Variants in ATP2A2 observed in about 807,000 individuals in gnomAD.
ATP2A2 encodes the protein ATPase sarcoplasmic/endoplasmic reticulum Ca2+ transporting 2.
A neutral mutation model predicts 109.3 loss-of-function variants in ATP2A2; 14 were observed. That is an observed-to-expected ratio of 0.13 (90% confidence interval 0.08 to 0.20). The LOEUF (loss-of-function observed/expected upper bound fraction) is 0.20, where lower values mean the gene tolerates loss of function less well. ATP2A2 is among the 10% of genes least tolerant of loss of function. The pLI, the probability that ATP2A2 is intolerant of heterozygous loss-of-function variation, is 1.00. For synonymous variants in ATP2A2, 506 were observed against 490.9 expected (o/e 1.03, Z -0.41); for missense variants, 657 against 1,321.6 (o/e 0.50, Z 7.80).
chr12:110,323,718 C>G (rs1470933354), intron 6 of ATP2A2, among the ~76,000 whole-genome samples: 1 of 152,150 alleles, frequency 6.6e-6, no homozygotes, highest in Non-Finnish European at 1.5e-5. Context: ...TCACTTGTGC[C>G]TAGGTCAAGG....
Position 110,346,509 on chromosome 12 carries a change from ATT to A in ATP2A2, c.*40_*41del. 1 of 1,612,884 alleles carries A rather than the reference ATT, an allele frequency of 6.2e-7. No individual in the cohort carries two copies. Among genetic ancestry groups the A allele is most frequent in the African/African-American group, 1.3e-5 (1 of 75,020 alleles). On this transcript the variant is annotated 3_prime_UTR_variant, in exon 20 of 20. Transcript: ENST00000539276. Reference sequence around the variant, plus strand: ...ATAAAGAAGATGTTTAACTTAATCAATTAATTTTTTTATTGTTTAAAGCAACT... The same window carrying A: ...ATAAAGAAGATGTTTAACTTAATCAAAATTTTTTTATTGTTTAAAGCAACT...
intron 4 of ATP2A2, among the ~76,000 whole-genome samples, chr12:110,292,757 A>G (rs573792213): frequency 9.8e-5 from 15 of 152,306 alleles, no homozygotes; most frequent in African/African-American, 3.1e-4. Flanking sequence ...ACTGCACTCC[A>G]GTCTGGGCAA....
chr12:110,328,095 TTTTGA>T, intron 8 of ATP2A2, 78 bp downstream of exon 8: 1 of 1,417,878 alleles, frequency 7.1e-7, no homozygotes, highest in East Asian at 2.3e-5. Flanking sequence ...CCATCAAAAC[TTTTGA>T]TTTGTAATTT....
chr12:110,293,208 T>C (rs1429867668), intron 4 of ATP2A2, among the ~76,000 whole-genome samples: 1 of 151,790 alleles, frequency 6.6e-6, no homozygotes, highest in Non-Finnish European at 1.5e-5. Context: ...CTTGAGTAGC[T>C]GGGATTACAG....
rs1566195710 is a variant in ATP2A2, at chr12:110,282,600, A to C, written c.119-4A>C. 7 of 1,613,880 alleles carry C rather than the reference A, an allele frequency of 4.3e-6. No individual in the cohort carries two copies. Among genetic ancestry groups the C allele is most frequent in the Non-Finnish European group, 4.2e-6 (5 of 1,179,962 alleles). On this transcript the variant is annotated splice_polypyrimidine_tract_variant and splice_region_variant and intron_variant, in intron 1 of 19. Coordinates refer to ENST00000539276, the MANE Select transcript of ATP2A2 (RefSeq NM_170665.4). ...ATTGCTTGACGAATTTCTACATTCT[A>C]CAGAGTTACCGGCTGAAGAAGGTAA...
chr12:110,330,406 A>C (rs1320143461), intron 8 of ATP2A2: 1 of 152,200 alleles, frequency 6.6e-6, no homozygotes. Flanking sequence ...TGAGCTACTT[A>C]AGTTCTTATT....
intron 5 of ATP2A2, among the ~76,000 whole-genome samples, chr12:110,301,487 T>G (rs1438465056): frequency 6.6e-6 from 1 of 152,186 alleles, no homozygotes; most frequent in Non-Finnish European, 1.5e-5. Flanking sequence ...TATCCTCTGA[T>G]TTGTCCGTAA....
Position 110,342,187 on chromosome 12 carries a change from G to A in ATP2A2, c.2098-41G>A. On this transcript the variant is annotated intron_variant, in intron 14 of 19. Transcript: ENST00000539276. This position sits in a 1 kb window ranked among gnomAD's most constrained non-coding sequence, Gnocchi z 4.6. The stretch of plus-strand genomic sequence containing the variant: ...GCTTTTGCCTAGGGGTATGAATGTG[G>A]CATGCCAGTTGGCTGACCCAACCAT... The A allele has an allele frequency of 6.2e-7, 1 of 1,609,448 alleles. No individual in the cohort carries two copies. The highest frequency in any genetic ancestry group is 8.5e-7 in the Non-Finnish European group (1 of 1,175,744).
chr12:110,285,013 T>G (rs766960666), intron 3 of ATP2A2, among the ~76,000 whole-genome samples: 17 of 152,200 alleles, frequency 1.1e-4, no homozygotes, highest in Non-Finnish European at 2.2e-4. Context: ...CCTATTGATG[T>G]AACAGAAAAA....
chr12:110,341,185 G>A lies in ATP2A2; in HGVS notation c.2097+191G>A, dbSNP rs1022309078. On this transcript the variant is annotated intron_variant, in intron 14 of 19. Transcript: ENST00000539276. ...TACTTGCAGGGAAGATCCTAGAGTC[G>A]TTTAAAACCCAGAAGGGCCTTCCAG... is the stretch of plus-strand genomic sequence containing the variant. 5.3e-5 allele frequency among the ~76,000 whole-genome samples: 8 copies of A among 152,118 alleles called. No homozygotes were observed. The East Asian group carries it at 7.7e-4, about 15-fold the overall frequency.
In ATP2A2 at chr12:110,350,250, CTG is replaced by C. The variant is rs1256036910; in HGVS notation, c.*3782_*3783del. 1.4e-5 allele frequency: 22 copies of C among 1,614,018 alleles called. No individual in the cohort carries two copies. Among genetic ancestry groups the C allele is most frequent in the East Asian group, 2.2e-5 (1 of 44,900 alleles). On this transcript the variant is annotated 3_prime_UTR_variant, in exon 20 of 20. Transcript: ENST00000539276. ...AAATAGGTATTCTAACGTTTCCTCTCTGTATTTCATGAAGCTGATTTCCTCTC... is the reference window on the plus strand; with the variant it reads ...AAATAGGTATTCTAACGTTTCCTCTCTATTTCATGAAGCTGATTTCCTCTC...
intron 4 of ATP2A2, among the ~76,000 whole-genome samples, chr12:110,294,144 C>A (rs952959865): frequency 5.3e-5 from 8 of 151,674 alleles, no homozygotes; most frequent in Non-Finnish European, 1.0e-4. Flanking sequence ...CCCGGGCTCA[C>A]GCCATTCTCC....
chr12:110,333,319 C>A, intron 10 of ATP2A2, 36 bp downstream of exon 10: 1 of 1,554,588 alleles, frequency 6.4e-7, no homozygotes, highest in Non-Finnish European at 8.9e-7. Context: ...AATGGCTGTT[C>A]CTAGTTCAAG....
intron 5 of ATP2A2, among the ~76,000 whole-genome samples, chr12:110,313,310 CTTTTTTTT>C (rs748790705): frequency 8.8e-6 from 1 of 113,202 alleles, no homozygotes; most frequent in African/African-American, 3.4e-5. Flanking sequence ...ACCACCTTTC[CTTTTTTTT>C]TTTTTTTTTT....
chr12:110,341,049 C>T, intron 14 of ATP2A2, 55 bp downstream of exon 14: 1 of 1,588,038 alleles, frequency 6.3e-7, no homozygotes, highest in Non-Finnish European at 8.6e-7. Context: ...ACATAGTAGC[C>T]TCTAATTTTG....
Position 110,281,771 on chromosome 12 carries a change from C to A in ATP2A2, c.-19C>A. On this transcript the variant is annotated 5_prime_UTR_variant, in exon 1 of 20. Transcript: ENST00000539276. The stretch of plus-strand genomic sequence containing the variant: ...AGGCCGCGGGGACGGGAGGCGAGGC[C>A]GGCCGGGCCCCCGAAGCCATGGAGA... 1.4e-6 allele frequency: 2 copies of A among 1,480,068 alleles called. No individual in the cohort carries two copies. The highest frequency in any genetic ancestry group is 1.8e-6 in the Non-Finnish European group (2 of 1,109,604). 91.7% of individuals were successfully genotyped at this position (1,480,068 alleles called of 1,614,324 possible). A position where few individuals can be genotyped will look rare whatever the true frequency, so the allele number is the denominator to read the frequency against.
intron 5 of ATP2A2, among the ~76,000 whole-genome samples, chr12:110,307,377 A>G (rs4529934): frequency 6.6e-4 from 100 of 151,998 alleles, no homozygotes; most frequent in African/African-American, 2.3e-3. Flanking sequence ...GACTGTAGGC[A>G]CACACCACTA....
At chr12:110,293,776 A>T (rs1873614707) in intron 4 of ATP2A2, among the ~76,000 whole-genome samples, 1 of 144,850 alleles carries the variant, frequency 6.9e-6, no homozygotes, top group South Asian at 2.4e-4. Context: ...TTTATGTGGT[A>T]GGTTCATAGA....
chr12:110,350,016 T>G lies in ATP2A2; in HGVS notation c.*3546T>G. On this transcript the variant is annotated 3_prime_UTR_variant, in exon 20 of 20. Coordinates refer to ENST00000539276, the MANE Select transcript of ATP2A2 (RefSeq NM_170665.4). ...CTCGCTGCTTTCACAGCTGCAACGA[T>G]TGTGTCTGCCTCATGGGGTTTTCCT... The G allele has an allele frequency of 7.3e-7, 1 of 1,366,800 alleles. No individual in the cohort carries two copies. 84.7% of individuals were successfully genotyped at this position (1,366,800 alleles called of 1,614,324 possible). A position where few individuals can be genotyped will look rare whatever the true frequency, so the allele number is the denominator to read the frequency against.
Sources: gnomAD v4.1 joint callset for allele counts (sites outside exome capture counted in the v4.1 genomes callset) on GRCh38, gnomAD v4.1.1 for gene constraint, Gnocchi (gnomAD v3.1) non-coding constraint, MANE v1.5 for transcripts, NCBI Gene and HGNC (gene_info 2026-07-23, HGNC 2026-07-21) for gene names.